The following MCTP1 variants were observed in gnomAD, a reference collection of about 807,000 sequenced individuals.
MCTP1 encodes multiple C2 and transmembrane domain-containing protein 1.
In MCTP1, 69 loss-of-function variants were observed where a neutral mutation model predicts 120.6. The observed-to-expected ratio is 0.57, with a 90% CI of 0.47 to 0.70. The LOEUF is 0.70. MCTP1 is among the 30% of genes least tolerant of loss of function. The pLI, the probability that MCTP1 is intolerant of heterozygous loss-of-function variation, is 0.00. For missense variants in MCTP1, 1,203 were observed against 1,248.8 expected, an observed-to-expected ratio of 0.96 and a Z score of 0.55; for synonymous variants, 529 against 493.1, an observed-to-expected ratio of 1.07 and a Z score of -0.96.
chr5:94,741,279 T>C (rs142686998), intron 19 of MCTP1, among the ~76,000 whole-genome samples: 69 of 152,252 alleles, frequency 4.5e-4, no homozygotes, highest in African/African-American at 1.6e-3. Context: ...AAATTAAAAT[T>C]TCAAGTTAAA....
At chr5:95,026,685 T>A (rs761208252) in intron 1 of MCTP1, among the ~76,000 whole-genome samples, 1 of 152,154 alleles carries the variant, frequency 6.6e-6, no homozygotes, top group Non-Finnish European at 1.5e-5. Context: ...GGGAGGGGTA[T>A]GCCTGGCTTC....
intron 19 of MCTP1, among the ~76,000 whole-genome samples, chr5:94,747,167 A>G (rs920536262): frequency 3.1e-4 from 47 of 152,180 alleles, no homozygotes; most frequent in African/African-American, 1.1e-3. Flanking sequence ...TTTCTGTTCC[A>G]TGTAATATCG....
chr5:94,851,034 CTTCAG>C (rs1028896059), intron 17 of MCTP1, among the ~76,000 whole-genome samples: 1 of 152,012 alleles, frequency 6.6e-6, no homozygotes, highest in African/African-American at 2.4e-5. Flanking sequence ...ATATTGAATA[CTTCAG>C]TTCAGAAGCA....
At chr5:95,087,591 C>T (rs962345217) in intron 1 of MCTP1, among the ~76,000 whole-genome samples, 6 of 152,170 alleles carry the variant, frequency 3.9e-5, no homozygotes, top group African/African-American at 1.4e-4. Flanking sequence ...ATCTTAGCCT[C>T]TACACAATAT....
chr5:94,762,337 G>A (rs1025329256), intron 19 of MCTP1, among the ~76,000 whole-genome samples: 1 of 152,176 alleles, frequency 6.6e-6, no homozygotes, highest in Non-Finnish European at 1.5e-5. Flanking sequence ...TTGTCCTAAT[G>A]ACTGGTTGAT....
chr5:95,231,603 T>A (rs1361949050), intron 1 of MCTP1, among the ~76,000 whole-genome samples: 1 of 152,142 alleles, frequency 6.6e-6, no homozygotes, highest in East Asian at 1.9e-4. Context: ...CAATGCTGAG[T>A]AGCTGTAGCA....
At chr5:95,279,595 G>C (rs1760145450) in intron 1 of MCTP1, among the ~76,000 whole-genome samples, 2 of 152,142 alleles carry the variant, frequency 1.3e-5, no homozygotes, top group Admixed American at 6.5e-5. Context: ...AAGCACAGCA[G>C]CAATTGCTAA....
intron 2 of MCTP1, among the ~76,000 whole-genome samples, chr5:94,992,018 G>A (rs1318052244): frequency 6.6e-6 from 1 of 152,198 alleles, no homozygotes; most frequent in Non-Finnish European, 1.5e-5. Flanking sequence ...CAGATGGGCT[G>A]TTGTGTTGGA....
Position 95,195,642 on chromosome 5 carries a change from T to G in MCTP1, c.720+88214A>C, listed in dbSNP as rs565053298. 2.6e-5 allele frequency among the ~76,000 whole-genome samples: 4 copies of G among 152,180 alleles called. No individual in the cohort carries two copies. In the East Asian group the frequency reaches 7.7e-4, roughly 29 times the overall value. Reference sequence around the variant, plus strand: ...TCACCATAAAAGATATGAGTTTGGATCCAAATGCCGAGTTGATAGAGCGCT... The same window carrying G: ...TCACCATAAAAGATATGAGTTTGGAGCCAAATGCCGAGTTGATAGAGCGCT... On this transcript the variant is annotated intron_variant, in intron 1 of 22. Transcript: ENST00000515393.
At chr5:95,187,635 C>T (rs947565873) in intron 1 of MCTP1, among the ~76,000 whole-genome samples, 3 of 152,102 alleles carry the variant, frequency 2.0e-5, no homozygotes, top group Non-Finnish European at 4.4e-5. Context: ...CTCCTGACCT[C>T]GTGATCCACC....
rs1474128248 is a variant in MCTP1, at chr5:94,954,022, GCATATATATACAAATATATATA to G, written c.839-683_839-662del. Among the ~76,000 whole-genome samples, 138 of 39,462 alleles carry G rather than the reference GCATATATATACAAATATATATA, an allele frequency of 3.5e-3. 3 individuals carry two copies. The highest frequency in any genetic ancestry group is 7.7e-3 in the South Asian group (11 of 1,422). The allele number at this position is 39,462 out of a possible 152,430, so 25.9% of individuals were successfully genotyped here. On this transcript the variant is annotated intron_variant, in intron 2 of 22. Transcript: ENST00000515393. ...TATGCATATATATACAAATATATAT[GCATATATATACAAATATATATA>G]TGCATATATATACAAATATATATGC...
At position 94,734,380 on chromosome 5, in the gene MCTP1, CATT is replaced by C. The variant is rs1763746089; in HGVS notation, c.2611-19497_2611-19495del. Among the ~76,000 whole-genome samples, 4 of 152,260 alleles carry C rather than the reference CATT, an allele frequency of 2.6e-5. No homozygotes were observed. In the South Asian group the frequency reaches 8.3e-4, roughly 32 times the overall value. On this transcript the variant is annotated intron_variant, in intron 19 of 22. Coordinates refer to ENST00000515393, the MANE Select transcript of MCTP1 (RefSeq NM_024717.7). ...ATAGAGTAAAAAAAACTCTGGTAAA[CATT>C]ATTAACATTTTAGGGTATATCTTTC...
intron 1 of MCTP1, among the ~76,000 whole-genome samples, chr5:95,161,781 T>C (rs1745770672): frequency 3.9e-5 from 6 of 152,114 alleles, no homozygotes. Context: ...CTTATCAAAG[T>C]TCACCAACTA....
chr5:94,764,453 T>C (rs1772083884), intron 19 of MCTP1, among the ~76,000 whole-genome samples: 1 of 152,064 alleles, frequency 6.6e-6, no homozygotes, highest in Non-Finnish European at 1.5e-5. Flanking sequence ...AAGTGGGAAA[T>C]TTTCAATGAA....
In MCTP1 at chr5:94,798,997, G is replaced by C. The variant is rs377384278; in HGVS notation, c.2556+16C>G. 59 of 1,602,350 alleles carry C rather than the reference G, an allele frequency of 3.7e-5. No homozygotes were observed. The highest frequency in any genetic ancestry group is 4.3e-5 in the Non-Finnish European group (51 of 1,175,946). ...TAAGAACAAAAACACATACAAGTAAGAGAGTAGAGACTTACTGTATCACGT... is the reference window on the plus strand; with the variant it reads ...TAAGAACAAAAACACATACAAGTAACAGAGTAGAGACTTACTGTATCACGT... On this transcript the variant is annotated intron_variant, in intron 18 of 22. Coordinates refer to ENST00000515393, the MANE Select transcript of MCTP1 (RefSeq NM_024717.7).
intron 18 of MCTP1, chr5:94,792,513 TG>T (rs1779197190): frequency 6.6e-6 from 1 of 152,330 alleles, no homozygotes; most frequent in South Asian, 2.1e-4. Context: ...TGCTAGCTTT[TG>T]CAAGTGGCTT....
chr5:95,274,492 C>T (rs1759653854), intron 1 of MCTP1, among the ~76,000 whole-genome samples: 1 of 152,136 alleles, frequency 6.6e-6, no homozygotes, highest in Non-Finnish European at 1.5e-5. Context: ...CATCAATTAT[C>T]CCCCTTTCTC....
intron 1 of MCTP1, among the ~76,000 whole-genome samples, chr5:95,279,494 G>A (rs1192228169): frequency 6.6e-6 from 1 of 152,126 alleles, no homozygotes; most frequent in African/African-American, 2.4e-5. Flanking sequence ...AAGAAGGAAT[G>A]GCAAAGCACC....
At chr5:95,181,214 A>G (rs1748557822) in intron 1 of MCTP1, among the ~76,000 whole-genome samples, 1 of 152,236 alleles carries the variant, frequency 6.6e-6, no homozygotes, top group Non-Finnish European at 1.5e-5. Flanking sequence ...CACACAAAGT[A>G]TAAAATCCAA....
Sources: gnomAD v4.1 joint callset for allele counts (sites outside exome capture counted in the v4.1 genomes callset) on GRCh38, gnomAD v4.1.1 for gene constraint, MANE v1.5 for transcripts, NCBI Gene and HGNC (gene_info 2026-07-23, HGNC 2026-07-21) for gene names.